MYO9A: variants seen among roughly 807,000 people sequenced by gnomAD.
The protein encoded by MYO9A is myosin IXA, also known as unconventional myosin-IXa.
Under a neutral mutation model 293.3 loss-of-function variants are expected in MYO9A, and 103 were observed. The observed-to-expected ratio is 0.35, with a 90% CI of 0.30 to 0.41. The LOEUF (loss-of-function observed/expected upper bound fraction) is 0.41. Among genes scored for constraint, MYO9A ranks in the 10% least tolerant of loss-of-function variants. The pLI is 1.00. For synonymous variants in MYO9A, 1,001 were observed against 1,035.7 expected (o/e 0.97, Z 0.64); for missense variants, 2,685 against 3,033.0 (o/e 0.89, Z 2.69).
At chr15:72,031,957 A>G (rs1450932013) in intron 3 of MYO9A, among the ~76,000 whole-genome samples, 4 of 152,044 alleles carry the variant, frequency 2.6e-5, no homozygotes, top group Non-Finnish European at 5.9e-5. Flanking sequence ...CCCAGACTGG[A>G]GTAAAGTGGC....
rs749575019 is a variant in MYO9A, at chr15:71,880,390, T to C, written c.5567A>G (p.Gln1856Arg). ...DSMHWQNDSV[Q>R]IIASVSDLKS... ...TAAATCACTGACACTTGCTATGATC[T>C]GGACAGAGTCATTTTGCCAATGCAT... The change falls in exon 29 of 42, where the codon CAG becomes CGG. Residue 1856 changes from glutamine to arginine, a missense_variant. This residue lies in a region of MYO9A where 1,434 missense variants were observed against 1,497.7 expected (regional missense o/e 0.96). Transcript: ENST00000356056. 14 of 1,614,120 alleles carry C rather than the reference T, an allele frequency of 8.7e-6. No individual in the cohort carries two copies. The highest frequency in any genetic ancestry group is 1.3e-5 in the African/African-American group (1 of 74,964).
At chr15:72,013,890 T>G (rs2077246416) in intron 6 of MYO9A, among the ~76,000 whole-genome samples, 1 of 152,318 alleles carries the variant, frequency 6.6e-6, no homozygotes, top group African/African-American at 2.4e-5. Flanking sequence ...CACTGCAACC[T>G]CCGCCTCCTG....
chr15:72,020,164 T>TA (rs1465864269), intron 5 of MYO9A, among the ~76,000 whole-genome samples: 1 of 152,216 alleles, frequency 6.6e-6, no homozygotes, highest in African/African-American at 2.4e-5. Context: ...TAAAGGGATT[T>TA]ATTTCCGTAG....
chr15:71,852,071 C>A, intron 36 of MYO9A, 61 bp downstream of exon 36: 1 of 1,513,978 alleles, frequency 6.6e-7, no homozygotes. Context: ...AATCTATACT[C>A]AAGATGGCAT....
intron 18 of MYO9A, among the ~76,000 whole-genome samples, chr15:71,928,047 TATATATATA>T (rs1412177681): frequency 8.9e-4 from 10 of 11,284 alleles, no homozygotes; most frequent in Non-Finnish European, 2.9e-3. Flanking sequence ...TATATATATA[TATATATATA>T]TTTTTTTTTT....
At chr15:71,863,447 A>G (rs887998569) in intron 32 of MYO9A, among the ~76,000 whole-genome samples, 1 of 151,994 alleles carries the variant, frequency 6.6e-6, no homozygotes, top group African/African-American at 2.4e-5. Flanking sequence ...AAAAACAACT[A>G]TATCTTTAAA....
chr15:72,009,392 C>T (rs751106514), intron 7 of MYO9A, among the ~76,000 whole-genome samples: 6 of 152,072 alleles, frequency 3.9e-5, no homozygotes, highest in Non-Finnish European at 5.9e-5. Context: ...GTGATTTTCT[C>T]CTACTCTCAG....
At chr15:72,062,489 T>G (rs2078905403) in intron 1 of MYO9A, among the ~76,000 whole-genome samples, 1 of 152,004 alleles carries the variant, frequency 6.6e-6, no homozygotes, top group Non-Finnish European at 1.5e-5. Context: ...CAGATAAACT[T>G]AACAAAGACT....
At chr15:71,869,389 G>A (rs1300856688) in intron 32 of MYO9A, among the ~76,000 whole-genome samples, 2 of 152,010 alleles carry the variant, frequency 1.3e-5, no homozygotes, top group Non-Finnish European at 2.9e-5. Context: ...GGAAATATAA[G>A]ACAAACTCAA....
chr15:71,884,189 A>C (rs2056956505), intron 27 of MYO9A, among the ~76,000 whole-genome samples: 1 of 152,158 alleles, frequency 6.6e-6, no homozygotes, highest in East Asian at 1.9e-4. Context: ...TACCACTCTA[A>C]AAAACATTAG....
At chr15:72,003,719 AAAT>A (rs2076939475) in intron 8 of MYO9A, among the ~76,000 whole-genome samples, 1 of 150,542 alleles carries the variant, frequency 6.6e-6, no homozygotes, top group South Asian at 2.1e-4. Context: ...AAAAAAAAAA[AAAT>A]AAGAACTCAA....
intron 13 of MYO9A, among the ~76,000 whole-genome samples, chr15:71,960,880 AGAT>A: frequency 6.6e-6 from 1 of 152,288 alleles, no homozygotes; most frequent in East Asian, 1.9e-4. Flanking sequence ...TATAACCTAT[AGAT>A]GATGATAAGC....
chr15:71,946,424 G>A (rs1037973467), intron 15 of MYO9A, among the ~76,000 whole-genome samples: 2 of 152,106 alleles, frequency 1.3e-5, no homozygotes, highest in Non-Finnish European at 2.9e-5. Context: ...AACCGTTGAC[G>A]TTCAAGGAAT....
intron 1 of MYO9A, among the ~76,000 whole-genome samples, chr15:72,098,937 G>A (rs539661689): frequency 9.3e-5 from 14 of 150,848 alleles, no homozygotes; most frequent in African/African-American, 3.2e-4. Flanking sequence ...AAAGCCAGAA[G>A]TTGTATTTAA....
At chr15:72,008,375 T>TATA (rs2148891995) in intron 7 of MYO9A, among the ~76,000 whole-genome samples, 2 of 152,210 alleles carry the variant, frequency 1.3e-5, no homozygotes, top group South Asian at 2.1e-4. Context: ...GCTGATTTTT[T>TATA]ATTATTAGTT....
intron 1 of MYO9A, among the ~76,000 whole-genome samples, chr15:72,080,675 C>G (rs1655363574): frequency 6.6e-6 from 1 of 151,956 alleles, no homozygotes; most frequent in African/African-American, 2.4e-5. Flanking sequence ...TAACTCACAT[C>G]ACAGGGGTCT....
At chr15:71,954,791 T>C (rs940954526) in intron 14 of MYO9A, among the ~76,000 whole-genome samples, 3 of 152,218 alleles carry the variant, frequency 2.0e-5, no homozygotes, top group African/African-American at 7.2e-5. Context: ...TCCATAACTT[T>C]GAAGGACTTG....
intron 9 of MYO9A, among the ~76,000 whole-genome samples, chr15:71,996,781 CA>C (rs1016413924): frequency 7.2e-5 from 11 of 152,018 alleles, no homozygotes; most frequent in African/African-American, 2.7e-4. Context: ...CCTCCGAACT[CA>C]TCTCTCTACA....
At chr15:72,069,176 T>C (rs981254043) in intron 1 of MYO9A, among the ~76,000 whole-genome samples, 2 of 152,206 alleles carry the variant, frequency 1.3e-5, no homozygotes. Flanking sequence ...AGACCAAGAC[T>C]TCTAACCTAA....
Sources: gnomAD v4.1 joint callset for allele counts (sites outside exome capture counted in the v4.1 genomes callset) on GRCh38, gnomAD v4.1.1 for gene constraint, gnomAD v4.1.1 regional missense constraint, MANE v1.5 for transcripts, NCBI Gene and HGNC (gene_info 2026-07-23, HGNC 2026-07-21) for gene names.